Variants in FHIT observed in about 807,000 individuals in gnomAD.
FHIT encodes the protein bis(5'-adenosyl)-triphosphatase.
FHIT carries 19 observed loss-of-function variants against 17.9 expected under a neutral mutation model. That is an observed-to-expected ratio of 1.06 (90% confidence interval 0.74 to 1.56). FHIT has a LOEUF of 1.56. Ranked by LOEUF, FHIT falls within the 40% of genes most tolerant of loss-of-function variation. The pLI, the probability that FHIT is intolerant of heterozygous loss-of-function variation, is 0.00. For missense variants in FHIT, 248 were observed against 189.2 expected, an observed-to-expected ratio of 1.31 and a Z score of -1.82; for synonymous variants, 81 against 69.7, an observed-to-expected ratio of 1.16 and a Z score of -0.81.
chr3:60,955,207 T>C (rs577969793), intron 3 of FHIT, among the ~76,000 whole-genome samples: 13 of 152,190 alleles, frequency 8.5e-5, no homozygotes, highest in South Asian at 2.1e-4. Context: ...TATGTTCACA[T>C]AGGAATATTA....
chr3:60,809,485 C>T (rs1185156380), intron 4 of FHIT, among the ~76,000 whole-genome samples: 1 of 152,132 alleles, frequency 6.6e-6, no homozygotes, highest in Non-Finnish European at 1.5e-5. Flanking sequence ...AAAATCACTA[C>T]CATTTAAAAA....
intron 4 of FHIT, among the ~76,000 whole-genome samples, chr3:60,690,916 T>A (rs1553699444): frequency 6.6e-6 from 1 of 152,222 alleles, no homozygotes; most frequent in African/African-American, 2.4e-5. Context: ...GCAGTAGGTT[T>A]TATAGCAATA....
At chr3:61,175,813 C>G (rs1301452105) in intron 2 of FHIT, among the ~76,000 whole-genome samples, 1 of 152,174 alleles carries the variant, frequency 6.6e-6, no homozygotes, top group Non-Finnish European at 1.5e-5. Context: ...GTGCATTGAT[C>G]TTGGACTTCT....
At chr3:60,361,174 C>A (rs368578472) in intron 5 of FHIT, among the ~76,000 whole-genome samples, 6 of 152,224 alleles carry the variant, frequency 3.9e-5, no homozygotes, top group East Asian at 1.9e-4. Context: ...CAAAAATGAG[C>A]AAGTCATGCC....
chr3:60,021,021 G>T (rs1159162287), intron 5 of FHIT, among the ~76,000 whole-genome samples: 1 of 152,078 alleles, frequency 6.6e-6, no homozygotes, highest in Non-Finnish European at 1.5e-5. Context: ...TCAATAAAGG[G>T]TTCATGGGAT....
In FHIT at chr3:60,517,413, T is replaced by A. The variant is rs568482985; in HGVS notation, c.103+19447A>T. ...CATCAAATATGAGTTGTCTTTTAGA[T>A]AGCATCGGAATCATAGGATACTAAG... On this transcript the variant is annotated intron_variant, in intron 5 of 9. Coordinates refer to ENST00000492590, the MANE Select transcript of FHIT (RefSeq NM_002012.4). Among the ~76,000 whole-genome samples, 17 of 145,514 alleles carry A rather than the reference T, an allele frequency of 1.2e-4. No individual in the cohort carries two copies. In the South Asian group the frequency reaches 3.5e-3, roughly 30 times the overall value.
intron 2 of FHIT, among the ~76,000 whole-genome samples, chr3:61,125,060 G>A (rs537684317): frequency 3.7e-4 from 57 of 152,228 alleles, no homozygotes; most frequent in Non-Finnish European, 7.2e-4. Context: ...ATTATTTAAT[G>A]TAAATACAGT....
intron 4 of FHIT, among the ~76,000 whole-genome samples, chr3:60,582,256 T>A (rs576068427): frequency 9.9e-5 from 15 of 152,188 alleles, no homozygotes; most frequent in African/African-American, 2.4e-4. Context: ...AATATAGGCA[T>A]ACCTGTCCCA....
chr3:59,978,433 T>C (rs1327042749), intron 7 of FHIT, among the ~76,000 whole-genome samples: 4 of 152,026 alleles, frequency 2.6e-5, no homozygotes, highest in African/African-American at 9.7e-5. Context: ...AAATCACTCA[T>C]GTATAATTAG....
At chr3:59,875,938 T>TAAAAAA (rs200571248) in intron 8 of FHIT, among the ~76,000 whole-genome samples, 3 of 129,302 alleles carry the variant, frequency 2.3e-5, no homozygotes, top group Non-Finnish European at 3.3e-5. Context: ...GTCTGTTTGA[T>TAAAAAA]AAAAAAAGAA....
intron 4 of FHIT, chr3:60,690,577 T>C (rs988404109): frequency 3.5e-5 from 19 of 543,516 alleles, no homozygotes; most frequent in African/African-American, 2.7e-4. Flanking sequence ...GTAACCCTCA[T>C]AATCAAATCC....
chr3:60,143,730 AT>A (rs985255193), intron 5 of FHIT, among the ~76,000 whole-genome samples: 21 of 152,134 alleles, frequency 1.4e-4, no homozygotes, highest in African/African-American at 4.8e-4. Context: ...ACCTATCTTC[AT>A]AACTTTGATT....
chr3:60,452,664 C>T (rs998093887), intron 5 of FHIT, among the ~76,000 whole-genome samples: 2 of 152,174 alleles, frequency 1.3e-5, no homozygotes, highest in African/African-American at 4.8e-5. Flanking sequence ...TAAATATTCT[C>T]TCCAAAAATC....
rs367559108 is a variant in FHIT at position 60,850,948 on chromosome 3, C to T, written c.-110-28937G>A. The stretch of plus-strand genomic sequence containing the variant: ...TACCTATAAGAGAGTGGCTAGATGC[C>T]TTTCTTACCCACAGGGATGGTTTCA... On this transcript the variant is annotated intron_variant, in intron 3 of 9. Transcript: ENST00000492590. 5.9e-5 allele frequency among the ~76,000 whole-genome samples: 9 copies of T among 152,176 alleles called. No homozygotes were observed. The South Asian group carries it at 1.7e-3, about 28-fold the overall frequency.
At chr3:60,358,366 T>A (rs1161080406) in intron 5 of FHIT, among the ~76,000 whole-genome samples, 1 of 152,160 alleles carries the variant, frequency 6.6e-6, no homozygotes, top group East Asian at 1.9e-4. Flanking sequence ...GAACTTGCCA[T>A]GAATTGAAAC....
At chr3:60,305,209 A>T (rs1559804296) in intron 5 of FHIT, among the ~76,000 whole-genome samples, 1 of 152,100 alleles carries the variant, frequency 6.6e-6, no homozygotes, top group Admixed American at 6.6e-5. Flanking sequence ...AGATGAAAGG[A>T]CATAATAAAT....
intron 5 of FHIT, among the ~76,000 whole-genome samples, chr3:60,020,424 A>T (rs1359825771): frequency 6.6e-6 from 1 of 152,198 alleles, no homozygotes; most frequent in East Asian, 1.9e-4. Context: ...TATTCTAGGG[A>T]TTCAGAATAT....
At chr3:61,177,042 C>T (rs923552992) in intron 2 of FHIT, among the ~76,000 whole-genome samples, 6 of 151,960 alleles carry the variant, frequency 3.9e-5, no homozygotes, top group Non-Finnish European at 5.9e-5. Flanking sequence ...CCAGGCATGG[C>T]GGCGGGCGCC....
chr3:60,407,744 T>C (rs1477558725), intron 5 of FHIT, among the ~76,000 whole-genome samples: 1 of 152,132 alleles, frequency 6.6e-6, no homozygotes, highest in Non-Finnish European at 1.5e-5. Flanking sequence ...CTCAAATTCC[T>C]GACCTCAAAT....
Sources: allele counts gnomAD v4.1 joint callset (sites outside exome capture counted in the v4.1 genomes callset), GRCh38; gene constraint gnomAD v4.1.1; transcripts MANE v1.5; gene names NCBI Gene and HGNC (gene_info 2026-07-23, HGNC 2026-07-21).